AK7: variants seen among roughly 807,000 people sequenced by gnomAD.
AK7 encodes ATP-AMP transphosphorylase 7.
AK7 carries 78 observed loss-of-function variants against 96.6 expected under a neutral mutation model. The ratio of observed to expected loss-of-function variants is 0.81; its 90% confidence interval spans 0.67 to 0.97. The LOEUF is 0.97. Ranked by LOEUF, AK7 falls within the 50% of genes least tolerant of loss-of-function variation. The pLI is 0.00. For synonymous variants in AK7, 302 were observed against 317.2 expected (o/e 0.95, Z 0.51); for missense variants, 855 against 887.9 (o/e 0.96, Z 0.47).
At chr14:96,467,488 A>G (rs761713104) in intron 12 of AK7, among the ~76,000 whole-genome samples, 43 of 152,220 alleles carry the variant, frequency 2.8e-4, no homozygotes, top group Non-Finnish European at 4.9e-4. Flanking sequence ...GGCGCACGCC[A>G]CCACACCCGG....
intron 15 of AK7, 67 bp downstream of exon 15, chr14:96,478,729 C>T: frequency 6.6e-7 from 1 of 1,520,132 alleles, no homozygotes; most frequent in Non-Finnish European, 9.0e-7. Context: ...GCAGGTCTAG[C>T]TGTAATTGTG....
chr14:96,459,926 C>T (rs1022367668), intron 12 of AK7, among the ~76,000 whole-genome samples: 13 of 152,008 alleles, frequency 8.6e-5, no homozygotes, highest in African/African-American at 2.4e-4. Flanking sequence ...TGGGCCAATA[C>T]GTAATACAGG....
At chr14:96,404,168 A>AC (rs1488118068) in intron 2 of AK7, among the ~76,000 whole-genome samples, 3 of 151,454 alleles carry the variant, frequency 2.0e-5, no homozygotes, top group Non-Finnish European at 2.9e-5. Context: ...AAAAAAAAAA[A>AC]AAAAACACCA....
intron 1 of AK7, among the ~76,000 whole-genome samples, chr14:96,392,719 A>T (rs1234566217): frequency 6.6e-6 from 1 of 151,984 alleles, no homozygotes; most frequent in Non-Finnish European, 1.5e-5. Flanking sequence ...GCTGGAGTGC[A>T]GTGGCGCGAT....
At chr14:96,457,975 C>T in intron 11 of AK7, 108 bp from the exon 12 acceptor site, 1 of 1,485,144 alleles carries the variant, frequency 6.7e-7, no homozygotes, top group Non-Finnish European at 9.1e-7. Context: ...CATAGGGTAC[C>T]TGTCCTATTT....
intron 16 of AK7, among the ~76,000 whole-genome samples, chr14:96,485,279 T>G (rs1406853249): frequency 6.6e-6 from 1 of 152,238 alleles, no homozygotes; most frequent in Non-Finnish European, 1.5e-5. Context: ...TTGCGTATTT[T>G]CTTTGCCCCT....
intron 14 of AK7, among the ~76,000 whole-genome samples, chr14:96,476,368 G>A (rs1026284898): frequency 2.0e-5 from 3 of 152,074 alleles, no homozygotes; most frequent in East Asian, 1.9e-4. Context: ...AGCCAGGCAC[G>A]GTGGTGCACG....
intron 6 of AK7, 88 bp downstream of exon 6, chr14:96,438,003 G>T (rs929577101): frequency 1.6e-6 from 2 of 1,214,162 alleles, no homozygotes; most frequent in Non-Finnish European, 2.4e-6. Context: ...TGCTTTGGGT[G>T]TGGTTAGTGC....
At chr14:96,469,084 A>G (rs1034289846) in intron 12 of AK7, among the ~76,000 whole-genome samples, 3 of 152,200 alleles carry the variant, frequency 2.0e-5, no homozygotes, top group African/African-American at 4.8e-5. Flanking sequence ...CTTCTTAATT[A>G]CTGAGCACTT....
intron 4 of AK7, among the ~76,000 whole-genome samples, chr14:96,412,798 C>T (rs1198328335): frequency 6.6e-6 from 1 of 152,064 alleles, no homozygotes; most frequent in African/African-American, 2.4e-5. Flanking sequence ...AACTCCCGAC[C>T]TCAGGTGATC....
chr14:96,443,994 C>T (rs1455954354), intron 7 of AK7, among the ~76,000 whole-genome samples: 1 of 152,070 alleles, frequency 6.6e-6, no homozygotes, highest in Non-Finnish European at 1.5e-5. Context: ...CCAGGATGGT[C>T]TCCATCTCCT....
intron 14 of AK7, among the ~76,000 whole-genome samples, chr14:96,476,086 G>C (rs1171105870): frequency 6.6e-6 from 1 of 151,992 alleles, no homozygotes; most frequent in Non-Finnish European, 1.5e-5. Flanking sequence ...CTCTCCCATT[G>C]AGCAACCATT....
intron 4 of AK7, among the ~76,000 whole-genome samples, chr14:96,409,424 T>C (rs1263344138): frequency 6.6e-6 from 1 of 152,062 alleles, no homozygotes; most frequent in Non-Finnish European, 1.5e-5. Flanking sequence ...ATACAAAAAT[T>C]ACCTGGGCGT....
chr14:96,440,190 G>A (rs906613005), intron 6 of AK7, among the ~76,000 whole-genome samples: 1 of 152,080 alleles, frequency 6.6e-6, no homozygotes, highest in African/African-American at 2.4e-5. Context: ...TGGCCAGGCT[G>A]GTCTTGAACT....
At chr14:96,411,216 A>G (rs1320819566) in intron 4 of AK7, among the ~76,000 whole-genome samples, 1 of 152,158 alleles carries the variant, frequency 6.6e-6, no homozygotes, top group Non-Finnish European at 1.5e-5. Context: ...TAATTTTTTA[A>G]AAGAAAAATT....
In AK7 at chr14:96,486,913, G is replaced by A; in HGVS notation, c.1990G>A (p.Glu664Lys). ...TCTATTTTAGAATAAACGACTGGAG[G>A]AAGTGAAAAGAGAAGAAAGAGAATT... is the stretch of plus-strand genomic sequence containing the variant. ...RWEEWNKRLE[E>K]VKREERELLE... The change falls in exon 17 of 18, where the codon GAA becomes AAA. Residue 664 changes from glutamate (E) to lysine (K), a missense_variant. Physicochemically the swap from Glu to Lys is moderately conservative, Grantham distance 56. Coordinates refer to ENST00000267584, the MANE Select transcript of AK7 (RefSeq NM_152327.5). The A allele has an allele frequency of 1.2e-6, 2 of 1,613,808 alleles. No individual in the cohort carries two copies. The highest frequency in any genetic ancestry group is 1.7e-6 in the Non-Finnish European group (2 of 1,179,868).
rs1895941872 is a variant in AK7 at position 96,489,344 on chromosome 14, T to G, written c.*1001T>G. On this transcript the variant is annotated 3_prime_UTR_variant, in exon 18 of 18. Coordinates refer to ENST00000267584, the MANE Select transcript of AK7 (RefSeq NM_152327.5). ...TAGGCAGTCACGCTCCATTATTCCC[T>G]CCCCCCAGTTCCAGGCAACCACGAA... 6.6e-6 allele frequency: 1 copy of G among 152,010 alleles called. No homozygotes were observed. Among genetic ancestry groups the G allele is most frequent in the East Asian group, 1.9e-4 (1 of 5,184 alleles). The allele number at this position is 152,010 out of a possible 1,614,324, so 9.4% of individuals were successfully genotyped here.
intron 4 of AK7, among the ~76,000 whole-genome samples, chr14:96,411,724 C>T (rs901359161): frequency 6.6e-6 from 1 of 152,140 alleles, no homozygotes; most frequent in South Asian, 2.1e-4. Flanking sequence ...AGACCGATTA[C>T]GCAAAACAAA....
intron 4 of AK7, among the ~76,000 whole-genome samples, chr14:96,420,544 TAATAAAATAA>T (rs144276618): frequency 2.0e-5 from 3 of 149,526 alleles, no homozygotes; most frequent in South Asian, 2.1e-4. Flanking sequence ...AAATGAAATA[TAATAAAATAA>T]AATAAAATAA....
Sources: gnomAD v4.1 joint callset for allele counts (sites outside exome capture counted in the v4.1 genomes callset) on GRCh38, gnomAD v4.1.1 for gene constraint, MANE v1.5 for transcripts, NCBI Gene and HGNC (gene_info 2026-07-23, HGNC 2026-07-21) for gene names.